The following DOCK2 variants were observed in gnomAD, a reference collection of about 807,000 sequenced individuals.
DOCK2 encodes dedicator of cytokinesis protein 2.
Under a neutral mutation model 248.9 loss-of-function variants are expected in DOCK2, and 87 were observed. The observed-to-expected ratio is 0.35, with a 90% CI of 0.29 to 0.42. The LOEUF is 0.42. Among genes scored for constraint, DOCK2 ranks in the 10% least tolerant of loss-of-function variants. DOCK2 has a pLI of 1.00. For synonymous variants in DOCK2, 805 were observed against 821.6 expected, an observed-to-expected ratio of 0.98 and a Z score of 0.35; for missense variants, 1,747 against 2,300.2, an observed-to-expected ratio of 0.76 and a Z score of 4.92.
At chr5:170,073,939 G>A (rs1221569911) in intron 46 of DOCK2, among the ~76,000 whole-genome samples, 2 of 151,798 alleles carry the variant, frequency 1.3e-5, no homozygotes, top group Non-Finnish European at 2.9e-5. Flanking sequence ...ATTTTTATTC[G>A]TGTCCACTCT....
intron 14 of DOCK2, among the ~76,000 whole-genome samples, chr5:169,704,374 G>T (rs1761130956): frequency 6.6e-6 from 1 of 152,084 alleles, no homozygotes; most frequent in Non-Finnish European, 1.5e-5. Context: ...CACTGTCTTT[G>T]GCAGAGCAGG....
intron 27 of DOCK2, among the ~76,000 whole-genome samples, chr5:169,868,263 A>G (rs1000457056): frequency 2.0e-5 from 3 of 152,216 alleles, no homozygotes; most frequent in Non-Finnish European, 4.4e-5. Context: ...TGCTTTCAAA[A>G]TGTACTTCTT....
chr5:169,709,109 A>G (rs573343886), intron 15 of DOCK2, among the ~76,000 whole-genome samples: 6 of 152,372 alleles, frequency 3.9e-5, no homozygotes, highest in African/African-American at 1.2e-4. Context: ...TACTTATTCA[A>G]TTAATACAAC....
At chr5:170,021,746 T>A (rs1189330967) in intron 33 of DOCK2, among the ~76,000 whole-genome samples, 2 of 152,120 alleles carry the variant, frequency 1.3e-5, no homozygotes, top group African/African-American at 4.8e-5. Flanking sequence ...CTGGCGTGCT[T>A]CATAGGAGCT....
intron 27 of DOCK2, among the ~76,000 whole-genome samples, chr5:169,943,345 CCTGTGGACAGGCAATA>C (rs762374361): frequency 1.8e-4 from 27 of 152,126 alleles, no homozygotes; most frequent in Non-Finnish European, 3.2e-4. Context: ...AGATCCAGGC[CCTGTGGACAGGCAATA>C]CTTAGGTCCT....
chr5:169,935,523 G>A (rs1168697297), intron 27 of DOCK2, among the ~76,000 whole-genome samples: 1 of 152,186 alleles, frequency 6.6e-6, no homozygotes, highest in Non-Finnish European at 1.5e-5. Flanking sequence ...CAGCCATTCG[G>A]ATATCAGGTC....
intron 9 of DOCK2, among the ~76,000 whole-genome samples, chr5:169,691,023 C>T (rs1014989512): frequency 6.6e-6 from 1 of 152,152 alleles, no homozygotes; most frequent in Non-Finnish European, 1.5e-5. Flanking sequence ...CTTTAATTGG[C>T]TCATGGTTCT....
chr5:169,794,291 C>G (rs1181480166), intron 25 of DOCK2, among the ~76,000 whole-genome samples: 2 of 152,084 alleles, frequency 1.3e-5, no homozygotes, highest in Non-Finnish European at 2.9e-5. Context: ...GGCCTCCTTC[C>G]CTCCACTTCC....
chr5:169,829,586 T>C (rs542998561), intron 26 of DOCK2, among the ~76,000 whole-genome samples: 1 of 152,354 alleles, frequency 6.6e-6, no homozygotes, highest in South Asian at 2.1e-4. Context: ...GTTAGGACCG[T>C]GTAGGTACAG....
intron 26 of DOCK2, among the ~76,000 whole-genome samples, chr5:169,820,712 C>G (rs1308405675): frequency 6.6e-6 from 1 of 152,188 alleles, no homozygotes; most frequent in South Asian, 2.1e-4. Flanking sequence ...ATCAGAGCAC[C>G]TCTTCTCCTC....
chr5:169,888,534 A>C (rs1773104559), intron 27 of DOCK2, among the ~76,000 whole-genome samples: 2 of 152,206 alleles, frequency 1.3e-5, no homozygotes, highest in Non-Finnish European at 2.9e-5. Flanking sequence ...ATACAGAAAC[A>C]TTGGACAATA....
chr5:169,749,632 G>C (rs952393601), intron 23 of DOCK2, among the ~76,000 whole-genome samples: 5 of 152,180 alleles, frequency 3.3e-5, no homozygotes, highest in Admixed American at 1.3e-4. Context: ...TGAGAAGTGG[G>C]ATGGCTCAGA....
At chr5:169,843,156 G>T (rs769937674) in intron 27 of DOCK2, among the ~76,000 whole-genome samples, 2 of 152,128 alleles carry the variant, frequency 1.3e-5, no homozygotes, top group Non-Finnish European at 2.9e-5. Context: ...TTACATGCAG[G>T]CTTAGCCTCT....
chr5:170,074,172 TGAAG>T (rs1468185714), intron 46 of DOCK2, among the ~76,000 whole-genome samples: 3 of 152,218 alleles, frequency 2.0e-5, no homozygotes, highest in Admixed American at 6.5e-5. Context: ...TTTTCATGAA[TGAAG>T]GATCTTTTCT....
chr5:169,787,730 T>C (rs1766076236), intron 25 of DOCK2, among the ~76,000 whole-genome samples: 1 of 150,836 alleles, frequency 6.6e-6, no homozygotes, highest in Non-Finnish European at 1.5e-5. Flanking sequence ...TTGCCTCCTC[T>C]TCTGTGTCTG....
In DOCK2 at chr5:169,702,280, G is replaced by A. The variant is rs2306560; in HGVS notation, c.1259-23G>A. On this transcript the variant is annotated intron_variant, in intron 13 of 51. Coordinates refer to ENST00000520908, the MANE Select transcript of DOCK2 (RefSeq NM_004946.3). ...CCTGCTGTAATCCACACTAACTCTT[G>A]TCTCTCTCTCCCTCTGCCTCAGGGG... The A allele has an allele frequency of 0.24, 390,834 of 1,611,236 alleles. 49,964 individuals carry two copies. Among genetic ancestry groups the A allele is most frequent in the Admixed American group, 0.48 (28,949 of 59,904 alleles).
intron 25 of DOCK2, among the ~76,000 whole-genome samples, chr5:169,782,946 T>G (rs1765792088): frequency 6.6e-6 from 1 of 152,234 alleles, no homozygotes; most frequent in Non-Finnish European, 1.5e-5. Flanking sequence ...GTTTATTGAT[T>G]CTCTGGCATA....
chr5:169,782,698 A>T (rs1765779699), intron 25 of DOCK2, among the ~76,000 whole-genome samples: 1 of 152,090 alleles, frequency 6.6e-6, no homozygotes. Context: ...TCTCAACTGC[A>T]TTCGAGGTTT....
At chr5:169,761,488 C>T in intron 24 of DOCK2, 31 bp from the exon 25 acceptor site, 1 of 1,574,752 alleles carries the variant, frequency 6.4e-7, no homozygotes, top group Non-Finnish European at 8.7e-7. Flanking sequence ...GTCTGCCTTG[C>T]TCTACCAGCT....
Sources: allele counts gnomAD v4.1 joint callset (sites outside exome capture counted in the v4.1 genomes callset), GRCh38; gene constraint gnomAD v4.1.1; transcripts MANE v1.5; gene names NCBI Gene and HGNC (gene_info 2026-07-23, HGNC 2026-07-21).